CNTN5: variants seen among roughly 807,000 people sequenced by gnomAD.
CNTN5 encodes contactin 5.
In CNTN5, 77 loss-of-function variants were observed where a neutral mutation model predicts 129.1. The observed-to-expected ratio is 0.60, with a 90% CI of 0.50 to 0.72. CNTN5 has a LOEUF of 0.72. Among genes scored for constraint, CNTN5 ranks in the 30% least tolerant of loss-of-function variants. The probability of loss-of-function intolerance (pLI) is 0.00; values close to 1 mark genes in which losing one functional copy is unlikely to be tolerated. For missense variants in CNTN5, 1,478 were observed against 1,328.8 expected, an observed-to-expected ratio of 1.11 and a Z score of -1.75; for synonymous variants, 509 against 465.6, an observed-to-expected ratio of 1.09 and a Z score of -1.20.
At chr11:99,295,771 G>A (rs1864355510) in intron 1 of CNTN5, among the ~76,000 whole-genome samples, 1 of 151,578 alleles carries the variant, frequency 6.6e-6, no homozygotes, top group Admixed American at 6.6e-5. Context: ...AGCTACTGGG[G>A]AGGCTGAGGC....
chr11:99,364,488 CA>C (rs1289522336), intron 2 of CNTN5, among the ~76,000 whole-genome samples: 1 of 152,026 alleles, frequency 6.6e-6, no homozygotes, highest in African/African-American at 2.4e-5. Flanking sequence ...AAAATTTGGT[CA>C]GGGGAAATGG....
At chr11:99,523,595 A>T (rs943233425) in intron 2 of CNTN5, among the ~76,000 whole-genome samples, 10 of 149,790 alleles carry the variant, frequency 6.7e-5, no homozygotes, top group African/African-American at 2.2e-4. Flanking sequence ...ATCTCAAAGA[A>T]AGATAGAATA....
chr11:100,002,011 A>G (rs1287672815), intron 8 of CNTN5, 23 bp from the exon 9 acceptor site: 8 of 1,455,628 alleles, frequency 5.5e-6, no homozygotes, highest in Non-Finnish European at 7.5e-6. Context: ...TTTGATGCTT[A>G]AAGACTATTC....
chr11:100,151,464 G>T (rs1021888781), intron 13 of CNTN5, among the ~76,000 whole-genome samples: 1 of 151,992 alleles, frequency 6.6e-6, no homozygotes, highest in Non-Finnish European at 1.5e-5. Context: ...AGTTAGTTAT[G>T]GCAGTGAAGG....
At chr11:99,714,919 G>T (rs1955156560) in intron 3 of CNTN5, among the ~76,000 whole-genome samples, 1 of 150,340 alleles carries the variant, frequency 6.7e-6, no homozygotes, top group African/African-American at 2.4e-5. Flanking sequence ...AAGCACTATT[G>T]AGAGTGCTTA....
At chr11:100,154,773 GTGA>G (rs1243539855) in intron 13 of CNTN5, among the ~76,000 whole-genome samples, 5 of 152,292 alleles carry the variant, frequency 3.3e-5, no homozygotes, top group African/African-American at 7.2e-5. Context: ...CTAATGACCA[GTGA>G]TGATGAGCTT....
At position 99,354,060 on chromosome 11, in the gene CNTN5, G is replaced by T. The variant is rs188651894; in HGVS notation, c.-71+28576G>T. Among the ~76,000 whole-genome samples, 3 of 152,200 alleles carry T rather than the reference G, an allele frequency of 2.0e-5. No homozygotes were observed. The East Asian group carries it at 5.8e-4, about 29-fold the overall frequency. The stretch of plus-strand genomic sequence containing the variant: ...TCATAGCATTTTTAGCAATCTTAGC[G>T]CATCCTAAGACATCAATCAAAAGGA... On this transcript the variant is annotated intron_variant, in intron 2 of 24. Transcript: ENST00000524871.
chr11:100,141,471 A>G (rs1946695894), intron 13 of CNTN5, among the ~76,000 whole-genome samples: 1 of 152,148 alleles, frequency 6.6e-6, no homozygotes, highest in African/African-American at 2.4e-5. Flanking sequence ...CTCTCTTAAT[A>G]GTGGCTTGCA....
intron 13 of CNTN5, among the ~76,000 whole-genome samples, chr11:100,158,184 T>A (rs1165042470): frequency 6.6e-6 from 1 of 151,800 alleles, no homozygotes; most frequent in Non-Finnish European, 1.5e-5. Context: ...AAATGATCTA[T>A]CTAGATTTAC....
intron 3 of CNTN5, among the ~76,000 whole-genome samples, chr11:99,757,131 T>G (rs898659104): frequency 6.6e-6 from 1 of 152,032 alleles, no homozygotes. Context: ...TAGGGCAAAA[T>G]GTGATCCATT....
intron 3 of CNTN5, among the ~76,000 whole-genome samples, chr11:99,799,628 C>G (rs1446348232): frequency 6.6e-6 from 1 of 151,898 alleles, no homozygotes; most frequent in Non-Finnish European, 1.5e-5. Context: ...TTTTGATAAG[C>G]TGTAGGATTT....
intron 20 of CNTN5, among the ~76,000 whole-genome samples, chr11:100,307,402 C>T (rs1312924199): frequency 6.6e-6 from 1 of 151,552 alleles, no homozygotes; most frequent in African/African-American, 2.4e-5. Flanking sequence ...GTGTTTGTGA[C>T]ACAGTATTTA....
chr11:99,426,280 A>G (rs1332565273), intron 2 of CNTN5, among the ~76,000 whole-genome samples: 1 of 152,174 alleles, frequency 6.6e-6, no homozygotes, highest in African/African-American at 2.4e-5. Context: ...AACACTTGAT[A>G]TCACAAAATA....
chr11:99,601,036 G>T (rs1228113118), intron 3 of CNTN5, among the ~76,000 whole-genome samples: 3 of 152,002 alleles, frequency 2.0e-5, no homozygotes, highest in East Asian at 3.9e-4. Flanking sequence ...GTGTTTGTTT[G>T]TCTCTCCTAC....
intron 21 of CNTN5, among the ~76,000 whole-genome samples, chr11:100,326,568 C>T (rs1390019981): frequency 1.3e-5 from 2 of 152,170 alleles, no homozygotes. Context: ...AGCAACATCT[C>T]CTAAAAGCTC....
chr11:99,927,784 T>G (rs2136061984), intron 7 of CNTN5, among the ~76,000 whole-genome samples: 1 of 152,206 alleles, frequency 6.6e-6, no homozygotes, highest in African/African-American at 2.4e-5. Flanking sequence ...TTATTCCACC[T>G]CTGGCCCCTC....
At chr11:99,101,108 G>C (rs558791233) in intron 1 of CNTN5, among the ~76,000 whole-genome samples, 2 of 152,284 alleles carry the variant, frequency 1.3e-5, no homozygotes, top group East Asian at 1.9e-4. Context: ...GCAGGCAAGA[G>C]AGAGAAGGAG....
At chr11:99,299,821 T>C (rs1864549904) in intron 1 of CNTN5, among the ~76,000 whole-genome samples, 1 of 152,186 alleles carries the variant, frequency 6.6e-6, no homozygotes, top group African/African-American at 2.4e-5. Context: ...GGACATATCA[T>C]GTGACTGCTA....
intron 13 of CNTN5, among the ~76,000 whole-genome samples, chr11:100,094,507 G>T (rs894122738): frequency 6.6e-6 from 1 of 152,010 alleles, no homozygotes; most frequent in Non-Finnish European, 1.5e-5. Context: ...GTTATCAAAC[G>T]TTTAAATAAT....
Sources: gnomAD v4.1 joint callset for allele counts (sites outside exome capture counted in the v4.1 genomes callset) on GRCh38, gnomAD v4.1.1 for gene constraint, MANE v1.5 for transcripts, NCBI Gene and HGNC (gene_info 2026-07-23, HGNC 2026-07-21) for gene names.